The following BRINP1 variants were observed in gnomAD, a reference collection of about 807,000 sequenced individuals.
BRINP1 encodes the protein BMP/retinoic acid-inducible neural-specific protein 1.
In BRINP1, 17 loss-of-function variants were observed where a neutral mutation model predicts 72.9. That is an observed-to-expected ratio of 0.23 (90% CI 0.16 to 0.35). The LOEUF is 0.35. Ranked by LOEUF, BRINP1 falls within the 10% of genes least tolerant of loss-of-function variation. BRINP1 has a pLI of 1.00. For synonymous variants in BRINP1, 418 were observed against 378.5 expected (o/e 1.10, Z -1.21); for missense variants, 850 against 1,001.6 (o/e 0.85, Z 2.04).
At chr9:119,220,040 G>A (rs1830023655) in intron 5 of BRINP1, among the ~76,000 whole-genome samples, 1 of 152,134 alleles carries the variant, frequency 6.6e-6, no homozygotes, top group Non-Finnish European at 1.5e-5. Flanking sequence ...AAGTTCCCTA[G>A]AAAAGAAAAG....
chr9:119,264,759 C>T (rs1417025062), intron 2 of BRINP1, among the ~76,000 whole-genome samples: 1 of 152,200 alleles, frequency 6.6e-6, no homozygotes, highest in African/African-American at 2.4e-5. Flanking sequence ...CAACCTCCGC[C>T]TCCCGGGTTC....
chr9:119,218,042 A>G lies in BRINP1; in HGVS notation c.686-3887T>C, dbSNP rs972156295. ...ATAGGATTAATTCCTGGCTGAAATT[A>G]TCTTTTGAATTTGTTTTATTTCTAA... On this transcript the variant is annotated intron_variant, in intron 5 of 7. Coordinates refer to ENST00000265922, the MANE Select transcript of BRINP1 (RefSeq NM_014618.3). Among the ~76,000 whole-genome samples the G allele has an allele frequency of 1.2e-4, 19 of 152,004 alleles. 1 individual carries two copies. The highest frequency in any genetic ancestry group is 4.6e-4 in the African/African-American group (19 of 41,434).
chr9:119,231,313 A>G (rs1251910969), intron 5 of BRINP1, among the ~76,000 whole-genome samples: 1 of 152,006 alleles, frequency 6.6e-6, no homozygotes, highest in East Asian at 1.9e-4. Context: ...TCTAAGGCAA[A>G]TAATTCCAGT....
intron 1 of BRINP1, among the ~76,000 whole-genome samples, chr9:119,319,076 C>A (rs968135392): frequency 6.6e-6 from 1 of 152,026 alleles, no homozygotes; most frequent in Non-Finnish European, 1.5e-5. Flanking sequence ...CACAAGACAG[C>A]CCCCACAACA....
chr9:119,260,694 G>A (rs920889952), intron 2 of BRINP1, among the ~76,000 whole-genome samples: 5 of 152,228 alleles, frequency 3.3e-5, no homozygotes, highest in Non-Finnish European at 4.4e-5. Flanking sequence ...TTAAATCTAC[G>A]CTGGAAGAAG....
At chr9:119,285,957 G>A (rs535155160) in intron 2 of BRINP1, among the ~76,000 whole-genome samples, 7 of 152,192 alleles carry the variant, frequency 4.6e-5, no homozygotes, top group African/African-American at 1.7e-4. Context: ...ACATCCCCGG[G>A]CAAACAGCTG....
intron 1 of BRINP1, among the ~76,000 whole-genome samples, chr9:119,319,724 A>G (rs563737427): frequency 5.1e-4 from 78 of 152,352 alleles, no homozygotes; most frequent in African/African-American, 1.8e-3. Flanking sequence ...CAGTTACCCA[A>G]TTTAACAAAT....
intron 7 of BRINP1, among the ~76,000 whole-genome samples, chr9:119,200,660 G>T (rs1409576675): frequency 6.7e-6 from 1 of 148,314 alleles, no homozygotes; most frequent in East Asian, 2.0e-4. Flanking sequence ...AGAAAGAAAA[G>T]AAAAAAGATA....
rs116339339 is a variant in BRINP1, at chr9:119,293,010, T to C, written c.218+20128A>G. 7.6e-3 allele frequency among the ~76,000 whole-genome samples: 1,164 copies of C among 152,270 alleles called. 14 individuals carry two copies. The highest frequency in any genetic ancestry group is 0.027 in the African/African-American group (1,126 of 41,560). On this transcript the variant is annotated intron_variant, in intron 2 of 7. Coordinates refer to ENST00000265922, the MANE Select transcript of BRINP1 (RefSeq NM_014618.3). ...TGAATGGCTACTATATATCGGGCAC[T>C]TTTTCTGTCTGAGTACATAACAGTG... is the stretch of plus-strand genomic sequence containing the variant.
chr9:119,341,930 A>AT (rs1253858786), intron 1 of BRINP1, among the ~76,000 whole-genome samples: 5 of 151,290 alleles, frequency 3.3e-5, no homozygotes, highest in South Asian at 2.1e-4. Flanking sequence ...CACTCAGCTA[A>AT]TTTTTTTTTG....
rs1022695531 is a variant in BRINP1 at position 119,369,130 on chromosome 9, A to C, written c.-125T>G. On this transcript the variant is annotated 5_prime_UTR_variant, in exon 1 of 8. Transcript: ENST00000265922. The stretch of plus-strand genomic sequence containing the variant: ...ATTCGGCTCGGTGGGAACTTGGGAG[A>C]GCCCTGCGTGCAGCTCGCATTCCGG... 43 of 397,744 alleles carry C rather than the reference A, an allele frequency of 1.1e-4. No individual in the cohort carries two copies. Among genetic ancestry groups the C allele is most frequent in the Non-Finnish European group, 1.8e-4 (41 of 225,780 alleles). The allele number at this position is 397,744 out of a possible 1,614,324, so 24.6% of individuals were successfully genotyped here.
At chr9:119,221,144 T>G (rs999150162) in intron 5 of BRINP1, among the ~76,000 whole-genome samples, 3 of 152,146 alleles carry the variant, frequency 2.0e-5, no homozygotes, top group Non-Finnish European at 1.5e-5. Flanking sequence ...ATCCTGTTCT[T>G]GTATCAGAAT....
intron 7 of BRINP1, among the ~76,000 whole-genome samples, chr9:119,175,905 C>T (rs1829483642): frequency 6.6e-6 from 1 of 152,294 alleles, no homozygotes; most frequent in East Asian, 1.9e-4. Context: ...CCTAAAAATA[C>T]CTTGGGACTT....
intron 5 of BRINP1, among the ~76,000 whole-genome samples, chr9:119,214,665 C>G (rs1210853033): frequency 6.6e-6 from 1 of 151,340 alleles, no homozygotes; most frequent in African/African-American, 2.4e-5. Flanking sequence ...GGACGCACAT[C>G]ATCATAACAT....
At chr9:119,173,209 A>G (rs1441295465) in intron 7 of BRINP1, among the ~76,000 whole-genome samples, 3 of 151,416 alleles carry the variant, frequency 2.0e-5, no homozygotes, top group Non-Finnish European at 2.9e-5. Flanking sequence ...TTTGCAGATG[A>G]CATGACTGTA....
intron 3 of BRINP1, among the ~76,000 whole-genome samples, chr9:119,244,677 GA>G (rs1156585461): frequency 6.6e-6 from 1 of 152,222 alleles, no homozygotes; most frequent in Non-Finnish European, 1.5e-5. Flanking sequence ...AGAACTGGCA[GA>G]AGCAAACCTT....
At chr9:119,328,542 T>C (rs1341950829) in intron 1 of BRINP1, among the ~76,000 whole-genome samples, 1 of 152,114 alleles carries the variant, frequency 6.6e-6, no homozygotes, top group Non-Finnish European at 1.5e-5. Context: ...GAAAGATAAT[T>C]AGCACTTATT....
chr9:119,283,551 CAG>C (rs1424449383), intron 2 of BRINP1, among the ~76,000 whole-genome samples: 1 of 152,182 alleles, frequency 6.6e-6, no homozygotes, highest in Non-Finnish European at 1.5e-5. Flanking sequence ...ATCTTTTTGA[CAG>C]AGTCTCGCTC....
At chr9:119,223,520 C>A (rs114200388) in intron 5 of BRINP1, among the ~76,000 whole-genome samples, 2,411 of 152,146 alleles carry the variant, frequency 0.016, 72 homozygotes, top group African/African-American at 0.055. Flanking sequence ...GGGACACTTA[C>A]AGTATCATAT....
Sources: gnomAD v4.1 joint callset for allele counts (sites outside exome capture counted in the v4.1 genomes callset) on GRCh38, gnomAD v4.1.1 for gene constraint, MANE v1.5 for transcripts, NCBI Gene and HGNC (gene_info 2026-07-23, HGNC 2026-07-21) for gene names.